The following PDIA6 variants were observed in gnomAD, a reference collection of about 807,000 sequenced individuals.
The protein encoded by PDIA6 is protein disulfide isomerase family A member 6.
In PDIA6, 29 loss-of-function variants were observed where a neutral mutation model predicts 58.4. That is an observed-to-expected ratio of 0.50 (90% CI 0.37 to 0.68). The LOEUF (loss-of-function observed/expected upper bound fraction) is 0.68. PDIA6 is among the 30% of genes least tolerant of loss of function. The pLI is 0.00. For missense variants in PDIA6, 480 were observed against 551.0 expected (o/e 0.87, Z 1.29); for synonymous variants, 192 against 202.6 (o/e 0.95, Z 0.44).
chr2:10,809,655 A>AG, intron 1 of PDIA6, among the ~76,000 whole-genome samples: 1 of 149,532 alleles, frequency 6.7e-6, no homozygotes, highest in African/African-American at 2.4e-5. Context: ...CAAAAAAAAA[A>AG]AAAAAAAAAA....
Position 10,831,512 on chromosome 2 carries a change from G to A in PDIA6, c.-48+690C>T, listed in dbSNP as rs534871374. On this transcript the variant is annotated intron_variant, in intron 1 of 13. Transcript: ENST00000381611. ...CGGCAGCCCCACATCCTGGGGCAGG[G>A]GCAGGTCATCGGTCAGACCTCTGGG... Among the ~76,000 whole-genome samples the A allele has an allele frequency of 8.6e-3, 1,302 of 152,236 alleles. 12 individuals carry two copies. Among genetic ancestry groups the A allele is most frequent in the Non-Finnish European group, 0.014 (932 of 68,026 alleles).
intron 1 of PDIA6, chr2:10,810,547 G>T: frequency 5.0e-6 from 4 of 807,150 alleles, no homozygotes; most frequent in Middle Eastern, 4.6e-4. Context: ...AATGGTGAGG[G>T]ACCTTTGTTT....
At chr2:10,821,554 A>G (rs1667394010) in intron 1 of PDIA6, 1 of 152,162 alleles carries the variant, frequency 6.6e-6, no homozygotes, top group Non-Finnish European at 1.5e-5. Context: ...GAATTCGACA[A>G]TTCAGCACTT....
At chr2:10,837,687 G>C in exon 1 of PDIA6, 1 of 1,509,954 alleles carries the variant, frequency 6.6e-7, no homozygotes, top group Admixed American at 2.1e-5. Context: ...TGGGTCTCAA[G>C]CCTGGGCAGC....
chr2:10,812,800 C>A (rs1000555586), upstream of PDIA6: 253 of 1,211,964 alleles, frequency 2.1e-4, no homozygotes, highest in Middle Eastern at 3.1e-4. Flanking sequence ...CAGGCCAGTC[C>A]GGTGGTCCGA....
intron 11 of PDIA6, among the ~76,000 whole-genome samples, chr2:10,786,400 C>T (rs1162194055): frequency 6.6e-6 from 1 of 152,064 alleles, no homozygotes. Flanking sequence ...ACAGTCTGCC[C>T]CCCGCCGGCA....
upstream of PDIA6, among the ~76,000 whole-genome samples, chr2:10,834,091 T>G (rs1026689360): frequency 1.3e-5 from 2 of 152,248 alleles, no homozygotes; most frequent in Non-Finnish European, 2.9e-5. Flanking sequence ...TGTTGCAAAG[T>G]CCCAACAGCT....
At chr2:10,799,016 G>A (rs943789783) in intron 2 of PDIA6, among the ~76,000 whole-genome samples, 1 of 148,104 alleles carries the variant, frequency 6.8e-6, no homozygotes, top group Admixed American at 7.0e-5. Flanking sequence ...ACTGAGGTGG[G>A]GGGAGGCAGG....
At chr2:10,784,372 C>A (rs767132169) in intron 12 of PDIA6, 46 bp from the exon 13 acceptor site, 2 of 1,485,960 alleles carry the variant, frequency 1.3e-6, no homozygotes, top group Non-Finnish European at 1.9e-6. Context: ...GAAGGGGACA[C>A]CCTGGAAGGT....
At chr2:10,785,838 T>G (rs1353298735) in intron 11 of PDIA6, among the ~76,000 whole-genome samples, 1 of 152,068 alleles carries the variant, frequency 6.6e-6, no homozygotes, top group Non-Finnish European at 1.5e-5. Flanking sequence ...TCAGCCTCCC[T>G]AGTAGCTAGG....
chr2:10,820,420 A>C (rs1158341154), intron 1 of PDIA6, among the ~76,000 whole-genome samples: 1 of 152,016 alleles, frequency 6.6e-6, no homozygotes, highest in East Asian at 1.9e-4. Flanking sequence ...CATGTTGCCC[A>C]TTTCTTTTTT....
intron 1 of PDIA6, among the ~76,000 whole-genome samples, chr2:10,806,208 A>T (rs1277099460): frequency 6.6e-6 from 1 of 151,184 alleles, no homozygotes; most frequent in Non-Finnish European, 1.5e-5. Context: ...TCTCTAAAAA[A>T]AGTACAAAAA....
chr2:10,807,262 G>A (rs1227796137), intron 1 of PDIA6, among the ~76,000 whole-genome samples: 1 of 152,188 alleles, frequency 6.6e-6, no homozygotes, highest in African/African-American at 2.4e-5. Context: ...AGACTGGAGT[G>A]CAATGGTGCA....
At chr2:10,808,439 T>C (rs190732067) in intron 1 of PDIA6, among the ~76,000 whole-genome samples, 4 of 111,806 alleles carry the variant, frequency 3.6e-5, no homozygotes, top group East Asian at 2.6e-4. Context: ...CAGGTTTCAT[T>C]ATAGAGACCA....
chr2:10,821,649 G>C (rs778983585), intron 1 of PDIA6: 1 of 151,666 alleles, frequency 6.6e-6, no homozygotes, highest in Non-Finnish European at 1.5e-5. Context: ...TTTTGAGACA[G>C]GGTCTCATTC....
At chr2:10,804,549 G>T in intron 1 of PDIA6, among the ~76,000 whole-genome samples, 1 of 124,580 alleles carries the variant, frequency 8.0e-6, no homozygotes, top group Admixed American at 8.8e-5. Context: ...TTTGGTACCA[G>T]TACCATGCTG....
At chr2:10,836,356 T>G (rs1667832333), upstream of PDIA6, among the ~76,000 whole-genome samples, 1 of 152,058 alleles carries the variant, frequency 6.6e-6, no homozygotes, top group Non-Finnish European at 1.5e-5. Flanking sequence ...CTCTGTGGTG[T>G]TATTTTATTA....
intron 1 of PDIA6, among the ~76,000 whole-genome samples, chr2:10,807,235 G>A (rs1418090679): frequency 3.9e-5 from 6 of 152,152 alleles, no homozygotes; most frequent in Non-Finnish European, 1.5e-5. Flanking sequence ...TTGAGAGAGG[G>A]TCTTGATCTG....
chr2:10,824,292 C>T (rs1157020234), intron 1 of PDIA6, among the ~76,000 whole-genome samples: 1 of 152,288 alleles, frequency 6.6e-6, no homozygotes, highest in Non-Finnish European at 1.5e-5. Context: ...CAAGGTTATG[C>T]CCCATCCCTG....
Sources: allele counts gnomAD v4.1 joint callset (sites outside exome capture counted in the v4.1 genomes callset), GRCh38; gene constraint gnomAD v4.1.1; transcripts MANE v1.5; gene names NCBI Gene and HGNC (gene_info 2026-07-23, HGNC 2026-07-21).